Variants in RBL1 observed in about 807,000 individuals in gnomAD.
The protein encoded by RBL1 is retinoblastoma-like protein 1.
A neutral mutation model predicts 123.0 loss-of-function variants in RBL1; 82 were observed. The observed-to-expected ratio is 0.67, with a 90% CI of 0.56 to 0.80. The LOEUF (loss-of-function observed/expected upper bound fraction) is 0.80, where lower values mean the gene tolerates loss of function less well. Ranked by LOEUF, RBL1 falls within the 30% of genes least tolerant of loss-of-function variation. RBL1 has a pLI of 0.00. For synonymous variants in RBL1, 405 were observed against 441.3 expected (o/e 0.92, Z 1.03); for missense variants, 1,171 against 1,299.6 (o/e 0.90, Z 1.52).
At chr20:37,016,119 C>T (rs1489923021) in intron 19 of RBL1, among the ~76,000 whole-genome samples, 1 of 151,024 alleles carries the variant, frequency 6.6e-6, no homozygotes, top group Non-Finnish European at 1.5e-5. Flanking sequence ...CCTCTGCCTC[C>T]TGGGTTCAAG....
In RBL1 at chr20:36,998,905, T is replaced by C. The variant is rs2063918984; in HGVS notation, c.3061A>G (p.Ile1021Val). ...TTGGTTCTCTGCTCACCTTGCCTTA[T>C]CATGTTGTTGATATCTTTCAAACTC... ...SKSLKDINNM[I>V]RQGEQRTKKR... The change falls in exon 22 of 22, where the codon ATA becomes GTA. Residue 1021 changes from isoleucine to valine, a missense_variant. Transcript: ENST00000373664. 1.9e-6 allele frequency: 3 copies of C among 1,613,206 alleles called. No homozygotes were observed. The highest frequency in any genetic ancestry group is 2.5e-6 in the Non-Finnish European group (3 of 1,179,724).
chr20:37,073,297 A>C (rs922810348), intron 2 of RBL1, among the ~76,000 whole-genome samples: 5 of 152,194 alleles, frequency 3.3e-5, no homozygotes, highest in Non-Finnish European at 5.9e-5. Flanking sequence ...GAAAACAAAA[A>C]AACCTTATAG....
intron 15 of RBL1, among the ~76,000 whole-genome samples, chr20:37,033,743 T>G (rs1216863573): frequency 6.8e-6 from 1 of 147,282 alleles, no homozygotes; most frequent in Non-Finnish European, 1.5e-5. Flanking sequence ...TCCTGAATAG[T>G]TGGGACTACA....
At chr20:37,092,398 T>C (rs2065663199) in intron 1 of RBL1, among the ~76,000 whole-genome samples, 1 of 151,958 alleles carries the variant, frequency 6.6e-6, no homozygotes, top group Non-Finnish European at 1.5e-5. Context: ...AGTGCAGTGG[T>C]ACAATCAGGG....
chr20:37,067,883 C>A, intron 3 of RBL1, 103 bp downstream of exon 3: 3 of 1,278,152 alleles, frequency 2.3e-6, no homozygotes, highest in Non-Finnish European at 3.2e-6. Flanking sequence ...TAATTAAGTT[C>A]TTTGCAGGAA....
chr20:37,012,422 C>G (rs1177462185), intron 19 of RBL1, among the ~76,000 whole-genome samples: 1 of 151,218 alleles, frequency 6.6e-6, no homozygotes, highest in African/African-American at 2.4e-5. Context: ...AAGTGAGGAG[C>G]GCCTCTTCCC....
At position 37,007,577 on chromosome 20, in the gene RBL1, A is replaced by T. The variant is rs780906170; in HGVS notation, c.2723-18T>A. On this transcript the variant is annotated intron_variant, in intron 19 of 21. Transcript: ENST00000373664. ...TTCTAAGTCTGTTAAAAAGAATGCA[A>T]TGTTGTGATACAAAGCATACTTTTT... is the stretch of plus-strand genomic sequence containing the variant. 1.2e-6 allele frequency: 2 copies of T among 1,609,058 alleles called. No individual in the cohort carries two copies. The highest frequency in any genetic ancestry group is 1.7e-6 in the Non-Finnish European group (2 of 1,178,462).
intron 11 of RBL1, among the ~76,000 whole-genome samples, chr20:37,050,232 G>A (rs2064886350): frequency 6.6e-6 from 1 of 151,968 alleles, no homozygotes; most frequent in Non-Finnish European, 1.5e-5. Context: ...TAGATGAAAA[G>A]TTGAGTAAAT....
In RBL1 at chr20:37,025,024, G is replaced by T. The variant is rs570815011; in HGVS notation, c.2383-2198C>A. The stretch of plus-strand genomic sequence containing the variant: ...ATTCAAAGAAGGGATTTCCCTAAAA[G>T]ATGAAATTCCTTGGAGAATCAGTTG... On this transcript the variant is annotated intron_variant, in intron 16 of 21. Transcript: ENST00000373664. Among the ~76,000 whole-genome samples, 97 of 152,310 alleles carry T rather than the reference G, an allele frequency of 6.4e-4. 1 individual carries two copies. Among genetic ancestry groups the T allele is most frequent in the South Asian group, 4.8e-3 (23 of 4,826 alleles).
chr20:37,091,733 T>C (rs1345620005), intron 1 of RBL1, among the ~76,000 whole-genome samples: 1 of 151,240 alleles, frequency 6.6e-6, no homozygotes, highest in Non-Finnish European at 1.5e-5. Context: ...TCTTATACAC[T>C]GTTCCACAGA....
At chr20:37,012,458 G>A (rs1300130711) in intron 19 of RBL1, among the ~76,000 whole-genome samples, 10 of 151,932 alleles carry the variant, frequency 6.6e-5, no homozygotes, top group South Asian at 2.1e-4. Flanking sequence ...TACGAAGTGA[G>A]GAGCGTCTCT....
At chr20:37,072,231 G>A (rs1299872765) in intron 2 of RBL1, among the ~76,000 whole-genome samples, 1 of 152,236 alleles carries the variant, frequency 6.6e-6, no homozygotes, top group African/African-American at 2.4e-5. Flanking sequence ...CACTTTGGGA[G>A]TCCGAGGCAG....
At chr20:37,056,048 A>AG in intron 10 of RBL1, 98 bp downstream of exon 10, 1 of 1,474,022 alleles carries the variant, frequency 6.8e-7, no homozygotes. Flanking sequence ...AAAAAAAAAA[A>AG]GAAATAAGAA....
At chr20:37,082,886 C>A (rs968726815) in intron 2 of RBL1, among the ~76,000 whole-genome samples, 1 of 152,072 alleles carries the variant, frequency 6.6e-6, no homozygotes, top group Admixed American at 6.6e-5. Flanking sequence ...CCCGTAGTCC[C>A]AGCTACTTGG....
intron 17 of RBL1, among the ~76,000 whole-genome samples, chr20:37,020,962 C>T (rs2064332374): frequency 6.6e-6 from 1 of 152,106 alleles, no homozygotes; most frequent in Non-Finnish European, 1.5e-5. Context: ...AGCAGTGAAA[C>T]TGCTATGGTG....
rs1568805015 is a variant in RBL1, at chr20:36,998,928, C to T, written c.3038G>A (p.Ser1013Asn). The T allele has an allele frequency of 6.2e-7, 1 of 1,610,436 alleles. No homozygotes were observed. Among genetic ancestry groups the T allele is most frequent in the Middle Eastern group, 1.7e-4 (1 of 6,050 alleles). ...LYKFNGSPSK[S>N]LKDINNMIRQ... is the part of the protein sequence containing the mutation. ...TATCATGTTGTTGATATCTTTCAAA[C>T]TCTGTGCAGAAATAGAGAACGTGTG... The change falls in exon 22 of 22, where the codon AGT becomes AAT. Residue 1013 changes from serine (S) to asparagine (N), a missense_variant and splice_region_variant. Ser to Asn is a conservative substitution (Grantham distance 46). Transcript: ENST00000373664.
At chr20:37,008,094 T>G (rs995023581) in intron 19 of RBL1, among the ~76,000 whole-genome samples, 12 of 152,212 alleles carry the variant, frequency 7.9e-5, no homozygotes, top group African/African-American at 2.9e-4. Context: ...AGATTCCACT[T>G]CAGAATGTTT....
chr20:37,017,256 C>G lies in RBL1; in HGVS notation c.2722+1023G>C, dbSNP rs1018867919. 2.0e-5 allele frequency among the ~76,000 whole-genome samples: 3 copies of G among 151,786 alleles called. No individual in the cohort carries two copies. In the South Asian group the frequency reaches 6.2e-4, roughly 32 times the overall value. On this transcript the variant is annotated intron_variant, in intron 19 of 21. Coordinates refer to ENST00000373664, the MANE Select transcript of RBL1 (RefSeq NM_002895.5). ...AGGGTGATGGTGCATGCCTGCAGTT[C>G]CAGCTACTCGGGAGGCTGAGGTGGA...
intron 2 of RBL1, among the ~76,000 whole-genome samples, chr20:37,083,488 T>C (rs1356265558): frequency 8.2e-6 from 1 of 121,466 alleles, no homozygotes; most frequent in Non-Finnish European, 1.7e-5. Flanking sequence ...AAACAAAAAA[T>C]AAAAAAGATA....
Sources: gnomAD v4.1 joint callset for allele counts (sites outside exome capture counted in the v4.1 genomes callset) on GRCh38, gnomAD v4.1.1 for gene constraint, MANE v1.5 for transcripts, NCBI Gene and HGNC (gene_info 2026-07-23, HGNC 2026-07-21) for gene names.